Variants in TBC1D30 observed in about 807,000 individuals in gnomAD.
TBC1D30 encodes TBC1 domain family, member 30.
Under a neutral mutation model 63.2 loss-of-function variants are expected in TBC1D30, and 31 were observed. The observed-to-expected ratio is 0.49, with a 90% CI of 0.37 to 0.66. TBC1D30 has a LOEUF of 0.66. TBC1D30 is among the 30% of genes least tolerant of loss of function. The pLI is 0.00. For synonymous variants in TBC1D30, 307 were observed against 361.5 expected (o/e 0.85, Z 1.71); for missense variants, 810 against 953.6 (o/e 0.85, Z 1.98).
chr12:64,847,613 T>C (rs1282898888), intron 8 of TBC1D30, among the ~76,000 whole-genome samples: 1 of 150,406 alleles, frequency 6.6e-6, no homozygotes, highest in Non-Finnish European at 1.5e-5. Flanking sequence ...CATTTTCAGT[T>C]TCCTTTTTAG....
rs553329298 is a variant in TBC1D30, at chr12:64,844,144, G to T, written c.1038+659G>T. Among the ~76,000 whole-genome samples the T allele has an allele frequency of 1.3e-4, 20 of 152,032 alleles. 1 individual carries two copies. The South Asian group carries it at 4.0e-3, about 30-fold the overall frequency. ...TTATTGTGGGGAATAAATTATTGAG[G>T]ATAAAAAAGATTATTCTCATCAGCA... is the stretch of plus-strand genomic sequence containing the variant. On this transcript the variant is annotated intron_variant, in intron 8 of 11. Coordinates refer to ENST00000539867, the MANE Select transcript of TBC1D30 (RefSeq NM_015279.2).
At chr12:64,761,916 A>G (rs1331768780) in intron 1 of TBC1D30, among the ~76,000 whole-genome samples, 2 of 152,306 alleles carry the variant, frequency 1.3e-5, no homozygotes, top group East Asian at 3.9e-4. Flanking sequence ...CTGCTACACT[A>G]GTGCTGAAGA....
At position 64,832,410 on chromosome 12, in the gene TBC1D30, C is replaced by T; in HGVS notation, c.594+106C>T. 6.1e-6 allele frequency: 7 copies of T among 1,152,592 alleles called. No individual in the cohort carries two copies. The South Asian group carries it at 7.6e-5, about 12-fold the overall frequency. The allele number at this position is 1,152,592 out of a possible 1,614,324, so 71.4% of individuals were successfully genotyped here. A position where few individuals can be genotyped will look rare whatever the true frequency, so the allele number is the denominator to read the frequency against. ...TCTCATCCTTTTCCAAGGTGTTTGCCACACCTTTGTAATGACCTATGATAG... is the reference window on the plus strand; with the variant it reads ...TCTCATCCTTTTCCAAGGTGTTTGCTACACCTTTGTAATGACCTATGATAG... On this transcript the variant is annotated intron_variant, in intron 5 of 11. Transcript: ENST00000539867.
chr12:64,765,414 G>A (rs1202725602), intron 1 of TBC1D30, among the ~76,000 whole-genome samples: 2 of 147,574 alleles, frequency 1.4e-5, no homozygotes, highest in East Asian at 2.0e-4. Flanking sequence ...GCGTGAACCC[G>A]GGAGGTGGAG....
At position 64,874,903 on chromosome 12, in the gene TBC1D30, G is replaced by A. The variant is rs1878923234; in HGVS notation, c.1499-98G>A. The A allele has an allele frequency of 1.3e-5, 15 of 1,147,128 alleles. No homozygotes were observed. The South Asian group carries it at 2.2e-4, about 17-fold the overall frequency. 71.1% of individuals were successfully genotyped at this position (1,147,128 alleles called of 1,614,324 possible). On this transcript the variant is annotated intron_variant, in intron 11 of 11. Transcript: ENST00000539867. ...CTGGGGAACACATGGGAAGGGATGT[G>A]GTAGACGGGGCTGGGAGGACCTCTA...
intron 6 of TBC1D30, 83 bp from the exon 7 acceptor site, chr12:64,838,600 G>A (rs949530780): frequency 2.0e-5 from 26 of 1,330,978 alleles, no homozygotes; most frequent in Non-Finnish European, 2.4e-5. Context: ...AATTTGAGTG[G>A]ACATGGAAGA....
In TBC1D30 at chr12:64,876,002, G is replaced by T; in HGVS notation, c.*214G>T. The T allele has an allele frequency of 2.0e-6, 1 of 506,700 alleles. No homozygotes were observed. The highest frequency in any genetic ancestry group is 3.8e-5 in the South Asian group (1 of 26,466). 31.4% of individuals were successfully genotyped at this position (506,700 alleles called of 1,614,324 possible). A position where few individuals can be genotyped will look rare whatever the true frequency, so the allele number is the denominator to read the frequency against. The stretch of plus-strand genomic sequence containing the variant: ...TTGCTAACTGACGAAGTGGATTCTT[G>T]TGGCAAAATAAATATTGTGGTTTTA... On this transcript the variant is annotated 3_prime_UTR_variant, in exon 12 of 12. Transcript: ENST00000539867.
At position 64,875,774 on chromosome 12, in the gene TBC1D30, A is replaced by T; in HGVS notation, c.2272A>T (p.Thr758Ser). 6.5e-7 allele frequency: 1 copy of T among 1,530,342 alleles called. No homozygotes were observed. The highest frequency in any genetic ancestry group is 1.2e-5 in the South Asian group (1 of 83,178). 94.8% of individuals were successfully genotyped at this position (1,530,342 alleles called of 1,614,324 possible). A position where few individuals can be genotyped will look rare whatever the true frequency, so the allele number is the denominator to read the frequency against. Reference protein sequence around the residue: ...FSKPGGGNSGTKKR With the variant: ...FSKPGGGNSGSKKR ...CAAACCCGGCGGTGGAAACAGTGGC[A>T]CTAAAAAACGATGATGTCTCCCCGA... Residue 758 changes from threonine (T) to serine (S), a missense_variant, in exon 12 of 12, where the codon ACT (threonine) becomes TCT (serine). This residue lies in a region of TBC1D30 where 450 missense variants were observed against 473.0 expected (regional missense o/e 0.95). Transcript: ENST00000539867.
intron 2 of TBC1D30, among the ~76,000 whole-genome samples, chr12:64,799,027 A>T (rs988129261): frequency 6.6e-6 from 1 of 151,828 alleles, no homozygotes; most frequent in Admixed American, 6.6e-5. Flanking sequence ...GTTAGCCAGG[A>T]TGGTCTTGAC....
chr12:64,778,772 C>T (rs369636750), upstream of TBC1D30, among the ~76,000 whole-genome samples: 10 of 152,134 alleles, frequency 6.6e-5, no homozygotes, highest in Admixed American at 5.9e-4. Flanking sequence ...GATCCGTCCA[C>T]CTCGGCCTCC....
At chr12:64,871,936 G>A (rs1265243485) in intron 11 of TBC1D30, among the ~76,000 whole-genome samples, 2 of 152,160 alleles carry the variant, frequency 1.3e-5, no homozygotes, top group African/African-American at 2.4e-5. Flanking sequence ...GTGCTAAATC[G>A]GCCCAGTGGT....
chr12:64,774,930 TA>T (rs1871021861), intron 1 of TBC1D30, among the ~76,000 whole-genome samples: 2 of 151,744 alleles, frequency 1.3e-5, no homozygotes, highest in South Asian at 4.2e-4. Flanking sequence ...CCGTCTCTAC[TA>T]AAAATACAAA....
chr12:64,777,000 G>A (rs1871100120), upstream of TBC1D30, among the ~76,000 whole-genome samples: 1 of 152,020 alleles, frequency 6.6e-6, no homozygotes, highest in South Asian at 2.1e-4. Flanking sequence ...AGAACTAAAG[G>A]CAAAACCACA....
At chr12:64,846,985 G>T (rs1456644890) in intron 8 of TBC1D30, among the ~76,000 whole-genome samples, 1 of 151,630 alleles carries the variant, frequency 6.6e-6, no homozygotes, top group Non-Finnish European at 1.5e-5. Context: ...TTCTTTTTCA[G>T]ATTGTTCACT....
intron 1 of TBC1D30, among the ~76,000 whole-genome samples, chr12:64,765,280 A>G (rs773445416): frequency 6.6e-6 from 1 of 151,318 alleles, no homozygotes; most frequent in Non-Finnish European, 1.5e-5. Flanking sequence ...TGAGGTCAGG[A>G]GATCAAGACC....
chr12:64,807,569 C>G (rs1872941119), intron 2 of TBC1D30, among the ~76,000 whole-genome samples: 1 of 152,130 alleles, frequency 6.6e-6, no homozygotes, highest in South Asian at 2.1e-4. Flanking sequence ...AAAAGATGCT[C>G]TCAAGTCACA....
chr12:64,763,348 A>T (rs1204115369), intron 1 of TBC1D30, among the ~76,000 whole-genome samples: 3 of 152,178 alleles, frequency 2.0e-5, no homozygotes, highest in African/African-American at 7.2e-5. Flanking sequence ...TAGCCTATTT[A>T]TTACTTTCAT....
chr12:64,760,829 C>CAAA (rs35870571), intron 1 of TBC1D30, among the ~76,000 whole-genome samples: 2 of 143,516 alleles, frequency 1.4e-5, no homozygotes, highest in Non-Finnish European at 1.5e-5. Context: ...AGGGCTTATG[C>CAAA]AAAAAAAAAA....
intron 2 of TBC1D30, among the ~76,000 whole-genome samples, chr12:64,805,833 A>G (rs896245870): frequency 2.0e-5 from 3 of 152,062 alleles, no homozygotes; most frequent in Non-Finnish European, 4.4e-5. Context: ...ACTCTGTCTC[A>G]AAAAATAAAA....
Sources: gnomAD v4.1 joint callset for allele counts (sites outside exome capture counted in the v4.1 genomes callset) on GRCh38, gnomAD v4.1.1 for gene constraint, gnomAD v4.1.1 regional missense constraint, MANE v1.5 for transcripts, NCBI Gene and HGNC (gene_info 2026-07-23, HGNC 2026-07-21) for gene names.